RASGRP3: variants seen among roughly 807,000 people sequenced by gnomAD.
RASGRP3 encodes the protein RAS guanyl releasing protein 3, also known as ras guanyl-releasing protein 3.
In RASGRP3, 54 loss-of-function variants were observed where a neutral mutation model predicts 82.7. The ratio of observed to expected loss-of-function variants is 0.65; its 90% CI spans 0.52 to 0.82. The LOEUF is 0.82. Ranked by LOEUF, RASGRP3 falls within the 40% of genes least tolerant of loss-of-function variation. The pLI is 0.00. For missense variants in RASGRP3, 861 were observed against 828.9 expected (o/e 1.04, Z -0.48); for synonymous variants, 309 against 300.5 (o/e 1.03, Z -0.29).
intron 2 of RASGRP3, among the ~76,000 whole-genome samples, chr2:33,459,960 G>T (rs761763109): frequency 4.6e-5 from 7 of 152,214 alleles, no homozygotes; most frequent in Admixed American, 1.3e-4. Flanking sequence ...GCTCAGAGGA[G>T]CCTGGCTAGA....
chr2:33,465,343 A>C (rs186189712), intron 2 of RASGRP3, among the ~76,000 whole-genome samples: 65 of 152,308 alleles, frequency 4.3e-4, no homozygotes, highest in Non-Finnish European at 6.5e-4. Context: ...CAGATGAAAA[A>C]TTTAAAGCTA....
Position 33,539,227 on chromosome 2 carries a change from G to C in RASGRP3, c.1278+17G>C, listed in dbSNP as rs1225221822. The C allele has an allele frequency of 1.3e-6, 2 of 1,537,734 alleles. No homozygotes were observed. Among genetic ancestry groups the C allele is most frequent in the African/African-American group, 2.7e-5 (2 of 73,198 alleles). ...TTAGTGGAGGTAAGTGGTTGAGGGA[G>C]AATAAAGAGAGGGCACTAGAAGACC... is the stretch of plus-strand genomic sequence containing the variant. On this transcript the variant is annotated intron_variant, in intron 12 of 17. Transcript: ENST00000403687.
intron 2 of RASGRP3, among the ~76,000 whole-genome samples, chr2:33,464,285 A>AT (rs567596279): frequency 8.8e-4 from 131 of 149,668 alleles, no homozygotes; most frequent in African/African-American, 1.7e-3. Context: ...CACCTGGCTA[A>AT]TTTTTTTGTA....
At chr2:33,530,157 A>G (rs1387087596) in intron 10 of RASGRP3, among the ~76,000 whole-genome samples, 1 of 152,212 alleles carries the variant, frequency 6.6e-6, no homozygotes, top group African/African-American at 2.4e-5. Flanking sequence ...ATGCATGCGA[A>G]GGCATCCACA....
intron 1 of RASGRP3, among the ~76,000 whole-genome samples, chr2:33,446,833 AT>A (rs1438797451): frequency 6.6e-6 from 1 of 152,086 alleles, no homozygotes; most frequent in African/African-American, 2.4e-5. Context: ...CATTAAAAAA[AT>A]ATATCAATAG....
chr2:33,492,215 A>T (rs1327616685), intron 1 of RASGRP3, among the ~76,000 whole-genome samples: 1 of 152,194 alleles, frequency 6.6e-6, no homozygotes, highest in Non-Finnish European at 1.5e-5. Context: ...CGAGTGGTAG[A>T]AACTCAGGAA....
chr2:33,534,644 T>C lies in RASGRP3; in HGVS notation c.1161+244T>C, dbSNP rs137936955. Among the ~76,000 whole-genome samples the C allele has an allele frequency of 4.8e-3, 726 of 152,010 alleles. 3 individuals carry two copies. The highest frequency in any genetic ancestry group is 0.016 in the African/African-American group (666 of 41,416). On this transcript the variant is annotated intron_variant, in intron 11 of 17. Transcript: ENST00000403687. ...CCTGGGTTCATGTGATTCTCCTGCT[T>C]CAGCCTCCCAAGTAGCTAGAATTAT...
chr2:33,476,765 G>GTA (rs1667415183), intron 1 of RASGRP3, 58 bp downstream of exon 1: 1 of 127,084 alleles, frequency 7.9e-6, no homozygotes. Context: ...CTCCGTGTGT[G>GTA]TGTGTGTGTG....
chr2:33,550,486 C>T (rs889935122), intron 14 of RASGRP3, among the ~76,000 whole-genome samples: 11 of 152,222 alleles, frequency 7.2e-5, no homozygotes, highest in Non-Finnish European at 1.5e-4. Context: ...CCTTCCCCCA[C>T]CTTTGATAAT....
intron 2 of RASGRP3, among the ~76,000 whole-genome samples, chr2:33,456,556 C>A (rs996728544): frequency 2.6e-5 from 4 of 152,146 alleles, no homozygotes; most frequent in Non-Finnish European, 5.9e-5. Flanking sequence ...AAATTCTGAT[C>A]TCAGTCTTCC....
At chr2:33,549,383 C>CAT (rs1491248031) in intron 13 of RASGRP3, among the ~76,000 whole-genome samples, 4 of 152,040 alleles carry the variant, frequency 2.6e-5, no homozygotes, top group Non-Finnish European at 5.9e-5. Context: ...CACACACACA[C>CAT]GCAGGATGCA....
Position 33,558,652 on chromosome 2 carries a change from C to G in RASGRP3, c.1706-20C>G, listed in dbSNP as rs1324875662. ...CAAGCAGTCAGATGTCAAATAATCA[C>G]CACCCTTTTTCACTTCCAGCGCAGG... On this transcript the variant is annotated intron_variant, in intron 16 of 17. Coordinates refer to ENST00000403687, the MANE Select transcript of RASGRP3 (RefSeq NM_001139488.2). 1.3e-6 allele frequency: 2 copies of G among 1,560,824 alleles called. No individual in the cohort carries two copies. Among genetic ancestry groups the G allele is most frequent in the East Asian group, 2.2e-5 (1 of 44,496 alleles).
chr2:33,539,252 C>T (rs539655652), intron 12 of RASGRP3, 42 bp downstream of exon 12: 1 of 1,408,062 alleles, frequency 7.1e-7, no homozygotes, highest in Non-Finnish European at 9.9e-7. Flanking sequence ...ACTAGAAGAC[C>T]CTTTCTCTTT....
intron 9 of RASGRP3, among the ~76,000 whole-genome samples, chr2:33,525,856 G>C (rs1024633579): frequency 2.0e-5 from 3 of 152,062 alleles, no homozygotes; most frequent in Non-Finnish European, 2.9e-5. Flanking sequence ...CAGCCTGGGG[G>C]ACATACCTGG....
chr2:33,536,297 A>C (rs1214175037), intron 11 of RASGRP3, among the ~76,000 whole-genome samples: 1 of 136,996 alleles, frequency 7.3e-6, no homozygotes, highest in Non-Finnish European at 1.6e-5. Context: ...GCAAGACTCC[A>C]TCTCAAAAAA....
At chr2:33,551,038 C>T (rs1204011064) in intron 14 of RASGRP3, among the ~76,000 whole-genome samples, 2 of 152,128 alleles carry the variant, frequency 1.3e-5, no homozygotes, top group Non-Finnish European at 2.9e-5. Context: ...GTTGGCCAGG[C>T]GCGGTGGCTC....
At chr2:33,475,998 C>T (rs2150924177), upstream of RASGRP3, among the ~76,000 whole-genome samples, 1 of 152,338 alleles carries the variant, frequency 6.6e-6, no homozygotes, top group South Asian at 2.1e-4. Flanking sequence ...AAGAGCTCTT[C>T]AGATAAAGCT....
At chr2:33,524,970 A>G (rs1270442817) in intron 9 of RASGRP3, among the ~76,000 whole-genome samples, 2 of 151,530 alleles carry the variant, frequency 1.3e-5, no homozygotes, top group African/African-American at 2.4e-5. Flanking sequence ...AGTCCCAGTT[A>G]CTGGGGAGGC....
intron 1 of RASGRP3, among the ~76,000 whole-genome samples, chr2:33,487,724 A>G (rs558159570): frequency 2.8e-4 from 42 of 152,358 alleles, no homozygotes; most frequent in African/African-American, 9.6e-4. Context: ...AGTTTGGGCA[A>G]CATAGTGAGA....
Sources: allele counts gnomAD v4.1 joint callset (sites outside exome capture counted in the v4.1 genomes callset), GRCh38; gene constraint gnomAD v4.1.1; transcripts MANE v1.5; gene names NCBI Gene and HGNC (gene_info 2026-07-23, HGNC 2026-07-21).